CDK5RAP2: variants seen among roughly 807,000 people sequenced by gnomAD.
The protein encoded by CDK5RAP2 is CDK5 regulatory subunit associated protein 2, also known as CDK5 regulatory subunit-associated protein 2.
In CDK5RAP2, 147 loss-of-function variants were observed where a neutral mutation model predicts 232.9. The observed-to-expected ratio is 0.63, with a 90% CI of 0.55 to 0.72. The LOEUF is 0.72. Among genes scored for constraint, CDK5RAP2 ranks in the 30% least tolerant of loss-of-function variants. CDK5RAP2 has a pLI of 0.00. For missense variants in CDK5RAP2, 2,195 were observed against 2,231.5 expected (o/e 0.98, Z 0.33); for synonymous variants, 833 against 833.7 (o/e 1.00, Z 0.01).
intron 1 of CDK5RAP2, among the ~76,000 whole-genome samples, chr9:120,575,444 C>T (rs987473966): frequency 5.3e-5 from 8 of 152,194 alleles, no homozygotes; most frequent in South Asian, 4.1e-4. Flanking sequence ...CTATTGCTAC[C>T]GAAAAGGACT....
intron 1 of CDK5RAP2, among the ~76,000 whole-genome samples, chr9:120,572,479 T>C (rs746587686): frequency 6.6e-6 from 1 of 152,250 alleles, no homozygotes; most frequent in Non-Finnish European, 1.5e-5. Context: ...GTTACTATTA[T>C]CATTATGACT....
chr9:120,390,062 A>T, intron 36 of CDK5RAP2: 1 of 457,784 alleles, frequency 2.2e-6, no homozygotes, highest in South Asian at 2.2e-5. Context: ...ATGCCGGTTC[A>T]GAGAACACCC....
At position 120,518,582 on chromosome 9, in the gene CDK5RAP2, G is replaced by A. The variant is rs1415691050; in HGVS notation, c.1156C>T (p.Gln386Ter). 12 of 1,613,590 alleles carry A rather than the reference G, an allele frequency of 7.4e-6. No individual in the cohort carries two copies. The highest frequency in any genetic ancestry group is 1.1e-5 in the South Asian group (1 of 90,984). ...KEALSAALRSQNLTKSTENHR... is the reference protein window; with the variant it reads ...KEALSAALRS Reference sequence around the variant, plus strand: ...TTCTCTGTACTCTTGGTGAGGTTTTGTGAGCGCAGCGCAGCCGAAAGGGCT... The same window carrying A: ...TTCTCTGTACTCTTGGTGAGGTTTTATGAGCGCAGCGCAGCCGAAAGGGCT... Residue 386 changes from glutamine to a stop codon, truncating the protein, a stop_gained, in exon 12 of 38, where the codon CAA becomes TAA. Coordinates refer to ENST00000349780, the MANE Select transcript of CDK5RAP2 (RefSeq NM_018249.6). LOFTEE classifies it high-confidence loss of function.
In CDK5RAP2 at chr9:120,515,580, A is replaced by C. The variant is rs368619472; in HGVS notation, c.1311+2847T>G. ...ACAGGTCTTTTAATAACATGCAATAAACTAGTGCACTCTAACATTGCTGGT... is the reference window on the plus strand; with the variant it reads ...ACAGGTCTTTTAATAACATGCAATACACTAGTGCACTCTAACATTGCTGGT... On this transcript the variant is annotated intron_variant, in intron 12 of 37. Coordinates refer to ENST00000349780, the MANE Select transcript of CDK5RAP2 (RefSeq NM_018249.6). Among the ~76,000 whole-genome samples the C allele has an allele frequency of 9.8e-5, 15 of 152,366 alleles. No individual in the cohort carries two copies. The East Asian group carries it at 2.3e-3, about 23-fold the overall frequency.
At chr9:120,525,289 G>A (rs2040849927) in intron 10 of CDK5RAP2, among the ~76,000 whole-genome samples, 1 of 152,166 alleles carries the variant, frequency 6.6e-6, no homozygotes, top group African/African-American at 2.4e-5. Context: ...TTCCTCAACT[G>A]TAAAATGAGG....
At chr9:120,564,403 T>C (rs1259967171) in intron 3 of CDK5RAP2, among the ~76,000 whole-genome samples, 1 of 149,706 alleles carries the variant, frequency 6.7e-6, no homozygotes, top group Non-Finnish European at 1.5e-5. Context: ...AGCAGGAGAA[T>C]CGCTTGAACC....
At chr9:120,519,378 T>C (rs2040516410) in intron 11 of CDK5RAP2, among the ~76,000 whole-genome samples, 1 of 152,084 alleles carries the variant, frequency 6.6e-6, no homozygotes, top group Non-Finnish European at 1.5e-5. Context: ...AAGACCTTCA[T>C]TTGAAAATGT....
At chr9:120,401,028 T>C in intron 34 of CDK5RAP2, 143 bp from the exon 35 acceptor site, 2 of 764,930 alleles carry the variant, frequency 2.6e-6, no homozygotes, top group Non-Finnish European at 4.2e-6. Context: ...ATAACACCAA[T>C]TTATTGTTCT....
intron 36 of CDK5RAP2, 148 bp from the exon 37 acceptor site, chr9:120,389,935 G>A (rs940028133): frequency 2.7e-5 from 20 of 728,620 alleles, no homozygotes; most frequent in African/African-American, 2.3e-4. Flanking sequence ...CCAGAGGGAG[G>A]TACAAAGGGC....
At chr9:120,453,938 A>G in intron 20 of CDK5RAP2, 65 bp from the exon 21 acceptor site, 2 of 1,498,706 alleles carry the variant, frequency 1.3e-6, no homozygotes, top group Non-Finnish European at 1.9e-6. Flanking sequence ...TCCCCTAGCC[A>G]GTATCCCAAG....
intron 12 of CDK5RAP2, among the ~76,000 whole-genome samples, chr9:120,503,428 T>C (rs1252056798): frequency 2.6e-5 from 4 of 152,176 alleles, no homozygotes; most frequent in African/African-American, 9.7e-5. Flanking sequence ...GCTCATGCAC[T>C]TGCCACCAGT....
At chr9:120,434,546 A>C (rs936016983) in intron 25 of CDK5RAP2, among the ~76,000 whole-genome samples, 1 of 152,212 alleles carries the variant, frequency 6.6e-6, no homozygotes, top group South Asian at 2.1e-4. Context: ...GGAAGCCCAG[A>C]GGCCAAACAG....
chr9:120,492,206 C>G (rs2038945047), intron 12 of CDK5RAP2, among the ~76,000 whole-genome samples: 1 of 152,078 alleles, frequency 6.6e-6, no homozygotes. Flanking sequence ...CAAATGTCCA[C>G]CAACAGAGGA....
At chr9:120,527,741 G>T in intron 10 of CDK5RAP2, 65 bp downstream of exon 10, 2 of 1,582,908 alleles carry the variant, frequency 1.3e-6, no homozygotes. Context: ...TAAAAATTCA[G>T]GGTAGGACAG....
At chr9:120,535,721 G>A (rs2041356258) in intron 7 of CDK5RAP2, among the ~76,000 whole-genome samples, 1 of 152,160 alleles carries the variant, frequency 6.6e-6, no homozygotes, top group Admixed American at 6.5e-5. Flanking sequence ...AAAATATGAT[G>A]GGCACTAAAG....
In CDK5RAP2 at chr9:120,540,353, C is replaced by T. The variant is rs112040641; in HGVS notation, c.384-1189G>A. Among the ~76,000 whole-genome samples the T allele has an allele frequency of 6.6e-5, 10 of 152,308 alleles. 1 individual carries two copies. The highest frequency in any genetic ancestry group is 2.4e-4 in the African/African-American group (10 of 41,552). On this transcript the variant is annotated intron_variant, in intron 5 of 37. Coordinates refer to ENST00000349780, the MANE Select transcript of CDK5RAP2 (RefSeq NM_018249.6). The stretch of plus-strand genomic sequence containing the variant: ...ACAGAACAAATCTATTCACCACCAG[C>T]TTCCCATGCCCTACTTTAAAGATAC...
At chr9:120,523,145 G>C (rs2040746915) in intron 11 of CDK5RAP2, among the ~76,000 whole-genome samples, 1 of 152,176 alleles carries the variant, frequency 6.6e-6, no homozygotes, top group Admixed American at 6.5e-5. Flanking sequence ...TGCAAGATAA[G>C]AAACTTGACC....
At chr9:120,548,810 C>T (rs2041947136) in intron 4 of CDK5RAP2, among the ~76,000 whole-genome samples, 1 of 152,032 alleles carries the variant, frequency 6.6e-6, no homozygotes, top group African/African-American at 2.4e-5. Context: ...GATACTGTCT[C>T]AAAAACAAAA....
At chr9:120,489,969 G>A (rs994077329) in intron 13 of CDK5RAP2, among the ~76,000 whole-genome samples, 127 of 152,126 alleles carry the variant, frequency 8.3e-4, no homozygotes, top group African/African-American at 3.0e-3. Flanking sequence ...CACCACACCT[G>A]GCTAATTCTG....
Sources: gnomAD v4.1 joint callset for allele counts (sites outside exome capture counted in the v4.1 genomes callset) on GRCh38, gnomAD v4.1.1 for gene constraint, MANE v1.5 for transcripts, NCBI Gene and HGNC (gene_info 2026-07-23, HGNC 2026-07-21) for gene names.